Variants in AGA observed in about 807,000 individuals in gnomAD.
AGA encodes the protein N(4)-(beta-N-acetylglucosaminyl)-L-asparaginase.
A neutral mutation model predicts 40.1 loss-of-function variants in AGA; 31 were observed. The ratio of observed to expected loss-of-function variants is 0.77; its 90% CI spans 0.58 to 1.04. The LOEUF is 1.04. Ranked by LOEUF, AGA falls within the 50% of genes least tolerant of loss-of-function variation. AGA has a pLI of 0.00. For missense variants in AGA, 445 were observed against 435.4 expected, an observed-to-expected ratio of 1.02 and a Z score of -0.20; for synonymous variants, 148 against 144.0, an observed-to-expected ratio of 1.03 and a Z score of -0.20.
chr4:177,439,650 C>T lies in AGA; in HGVS notation c.320G>A (p.Arg107Gln), dbSNP rs761804469. The T allele has an allele frequency of 2.5e-5, 40 of 1,610,998 alleles. No homozygotes were observed. The highest frequency in any genetic ancestry group is 3.1e-5 in the Non-Finnish European group (36 of 1,178,068). ...TGCCACACCAATAGCATTTTTAATT[C>T]GTCTGAGATCTCCTACTGCTCCTAC... Reference protein sequence around the residue: ...MDVGAVGDLRRIKNAIGVARK... With the variant: ...MDVGAVGDLRQIKNAIGVARK... The change falls in exon 3 of 9, where the codon CGA becomes CAA. Residue 107 changes from arginine (R) to glutamine (Q), a missense_variant. Arg to Gln is a conservative substitution (Grantham distance 43). Coordinates refer to ENST00000264595, the MANE Select transcript of AGA (RefSeq NM_000027.4).
intron 1 of AGA, 124 bp downstream of exon 1, chr4:177,442,125 C>A: frequency 7.0e-7 from 1 of 1,425,412 alleles, no homozygotes; most frequent in Admixed American, 2.2e-5. Flanking sequence ...GGCGGGACCG[C>A]GAGGCCCGGC....
chr4:177,437,393 A>G lies in AGA; in HGVS notation c.622+12T>C. On this transcript the variant is annotated intron_variant, in intron 5 of 8. Transcript: ENST00000264595. ...AACTTTATCCATAAAAACTGCACAAAAGGCAAATTACCAATAGTGTCATGA... is the reference window on the plus strand; with the variant it reads ...AACTTTATCCATAAAAACTGCACAAGAGGCAAATTACCAATAGTGTCATGA... The G allele has an allele frequency of 1.3e-6, 2 of 1,566,846 alleles. No homozygotes were observed. The highest frequency in any genetic ancestry group is 1.8e-6 in the Non-Finnish European group (2 of 1,137,262).
chr4:177,441,026 G>A (rs1453101871), intron 1 of AGA, among the ~76,000 whole-genome samples: 1 of 152,094 alleles, frequency 6.6e-6, no homozygotes, highest in African/African-American at 2.4e-5. Flanking sequence ...TTAGTTTAAG[G>A]TCACACAGCT....
chr4:177,439,546 GA>G, intron 3 of AGA, 29 bp downstream of exon 3: 2 of 1,495,606 alleles, frequency 1.3e-6, no homozygotes, highest in Non-Finnish European at 1.9e-6. Context: ...CAAAAGACTA[GA>G]AAAAATTTCA....
rs886059263 is a variant in AGA at position 177,442,284 on chromosome 4, A to G, written c.92T>C (p.Val31Ala). 1.2e-6 allele frequency: 2 copies of G among 1,614,042 alleles called. No homozygotes were observed. The highest frequency in any genetic ancestry group is 1.1e-5 in the South Asian group (1 of 91,084). Residue 31 changes from valine (V) to alanine (A), a missense_variant, in exon 1 of 9, where the codon GTC (valine) becomes GCC (alanine). Physicochemically the swap from Val to Ala is moderately conservative, Grantham distance 64. Transcript: ENST00000264595. ...TGCATTCTTAAAGGGCCAAGTGTTG[A>G]CGACCAGGGGCAGAGGGCTGGAGCA... Reference protein sequence around the residue: ...VRCSSPLPLVVNTWPFKNATE... With the variant: ...VRCSSPLPLVANTWPFKNATE...
chr4:177,434,988 C>T (rs953142093), intron 6 of AGA, among the ~76,000 whole-genome samples: 5 of 152,088 alleles, frequency 3.3e-5, no homozygotes, highest in Non-Finnish European at 7.4e-5. Flanking sequence ...CAACCTCCGC[C>T]TCCTGGGTTC....
At position 177,434,452 on chromosome 4, in the gene AGA, AG is replaced by A; in HGVS notation, c.735del (p.Tyr246MetfsTer18). ...GCTGCCCCTGCAGTATCGTCAGCAT[AG>A]GCTCCAGCTCCAGGTATTGGTGAGT... is the stretch of plus-strand genomic sequence containing the variant. ...VGDSPIPGAG[A>X]YADDTAGAAA... On this transcript the variant is annotated frameshift_variant, in exon 7 of 9. Transcript: ENST00000264595. LOFTEE classifies it high-confidence loss of function. 1 of 1,614,164 alleles carries A rather than the reference AG, an allele frequency of 6.2e-7. No individual in the cohort carries two copies. Among genetic ancestry groups the A allele is most frequent in the Non-Finnish European group, 8.5e-7 (1 of 1,180,036 alleles).
At chr4:177,433,450 G>GTATTCTATC in intron 7 of AGA, 103 bp from the exon 8 acceptor site, 1 of 1,323,652 alleles carries the variant, frequency 7.6e-7, no homozygotes, top group Non-Finnish European at 1.1e-6. Flanking sequence ...TGCCACATGT[G>GTATTCTATC]ATAGAATACA....
intron 6 of AGA, 102 bp downstream of exon 6, chr4:177,436,174 C>T: frequency 1.1e-6 from 1 of 938,240 alleles, no homozygotes; most frequent in East Asian, 2.4e-5. Flanking sequence ...TTCATCGCAG[C>T]TGTGAGACTA....
intron 2 of AGA, chr4:177,440,002 G>C: frequency 1.7e-6 from 1 of 587,534 alleles, no homozygotes; most frequent in Non-Finnish European, 3.0e-6. Flanking sequence ...GTGGACAGCA[G>C]ATAAATGATT....
At chr4:177,433,893 T>C (rs2111007978) in intron 7 of AGA, among the ~76,000 whole-genome samples, 1 of 151,172 alleles carries the variant, frequency 6.6e-6, no homozygotes, top group Non-Finnish European at 1.5e-5. Context: ...TTAACTTGAA[T>C]GATTATCATT....
At chr4:177,438,533 G>C (rs1213045607) in intron 4 of AGA, among the ~76,000 whole-genome samples, 1 of 152,160 alleles carries the variant, frequency 6.6e-6, no homozygotes, top group African/African-American at 2.4e-5. Context: ...TATTGTGAGA[G>C]ACCAGTAGCT....
At chr4:177,438,068 G>A (rs1736881456) in intron 4 of AGA, among the ~76,000 whole-genome samples, 1 of 152,144 alleles carries the variant, frequency 6.6e-6, no homozygotes. Context: ...TATGTAGACT[G>A]GTATTAAAGC....
chr4:177,431,115 C>T lies in AGA; in HGVS notation c.*593G>A, dbSNP rs1011190068. 5 of 448,100 alleles carry T rather than the reference C, an allele frequency of 1.1e-5. No individual in the cohort carries two copies. In the Admixed American group the frequency reaches 1.2e-4, roughly 11 times the overall value. 27.8% of individuals were successfully genotyped at this position (448,100 alleles called of 1,614,324 possible). A position where few individuals can be genotyped will look rare whatever the true frequency, so the allele number is the denominator to read the frequency against. On this transcript the variant is annotated 3_prime_UTR_variant, in exon 9 of 9. Transcript: ENST00000264595. ...TGAGAGCTCCATAAGAGGAAAAAAG[C>T]AAAGAAAATCAACACAATTGCTCAT...
rs746624930 is a variant in AGA at position 177,440,651 on chromosome 4, G to GTTT, written c.128-228_128-226dup. On this transcript the variant is annotated intron_variant, in intron 1 of 8. Transcript: ENST00000264595. ...AACTGGCTATTGGTGCAAGCTGAAG[G>GTTT]TTTTTTTTTTTTTCACTTACTAATA... is the stretch of plus-strand genomic sequence containing the variant. Among the ~76,000 whole-genome samples, 109 of 142,188 alleles carry GTTT rather than the reference G, an allele frequency of 7.7e-4. 2 individuals are homozygous for GTTT. Among genetic ancestry groups the GTTT allele is most frequent in the South Asian group, 6.8e-4 (3 of 4,392 alleles). 93.3% of individuals were successfully genotyped at this position (142,188 alleles called of 152,430 possible).
At position 177,434,442 on chromosome 4, in the gene AGA, T is replaced by C; in HGVS notation, c.746A>G (p.Asp249Gly). The part of the protein sequence containing the change: ...PIPGAGAYAD[D>G]TAGAAAATGN... ...AGTGGCTGCGGCTGCCCCTGCAGTA[T>C]CGTCAGCATAGGCTCCAGCTCCAGG... The change falls in exon 7 of 9, where the codon GAT becomes GGT. Residue 249 changes from aspartate to glycine, a missense_variant. By Grantham distance (94) the Asp-to-Gly change is moderately conservative (BLOSUM62 -1). Coordinates refer to ENST00000264595, the MANE Select transcript of AGA (RefSeq NM_000027.4). 1 of 1,614,176 alleles carries C rather than the reference T, an allele frequency of 6.2e-7. No individual in the cohort carries two copies. Among genetic ancestry groups the C allele is most frequent in the Non-Finnish European group, 8.5e-7 (1 of 1,180,028 alleles).
rs1219765075 is a variant in AGA at position 177,434,404 on chromosome 4, T to C, written c.784A>G (p.Ile262Val). 3 of 1,614,150 alleles carry C rather than the reference T, an allele frequency of 1.9e-6. No individual in the cohort carries two copies. Among genetic ancestry groups the C allele is most frequent in the South Asian group, 2.2e-5 (2 of 91,080 alleles). ...TACCTTGGCAGGAAGCGCATCAATA[T>C]ATCACCATTCCCAGTGGCTGCGGCT... is the stretch of plus-strand genomic sequence containing the variant. Reference protein sequence around the residue: ...GAAAATGNGDILMRFLPSYQA... With the variant: ...GAAAATGNGDVLMRFLPSYQA... Residue 262 changes from isoleucine to valine, a missense_variant, in exon 7 of 9, where the codon ATA becomes GTA. By Grantham distance (29) the Ile-to-Val change is conservative. Coordinates refer to ENST00000264595, the MANE Select transcript of AGA (RefSeq NM_000027.4).
chr4:177,439,541 G>T, intron 3 of AGA, 35 bp downstream of exon 3: 1 of 1,437,624 alleles, frequency 7.0e-7, no homozygotes, highest in Non-Finnish European at 9.8e-7. Flanking sequence ...ATAGTCAAAA[G>T]ACTAGAAAAA....
intron 6 of AGA, among the ~76,000 whole-genome samples, chr4:177,435,957 T>C (rs1192323741): frequency 6.6e-6 from 1 of 150,694 alleles, no homozygotes; most frequent in Non-Finnish European, 1.5e-5. Context: ...CACACACACA[T>C]ATACACACAC....
Sources: allele counts gnomAD v4.1 joint callset (sites outside exome capture counted in the v4.1 genomes callset), GRCh38; gene constraint gnomAD v4.1.1; transcripts MANE v1.5; gene names NCBI Gene and HGNC (gene_info 2026-07-23, HGNC 2026-07-21).